The following PLXNC1 variants were observed in gnomAD, a reference collection of about 807,000 sequenced individuals.
PLXNC1 encodes plexin-C1.
PLXNC1 carries 75 observed loss-of-function variants against 178.2 expected under a neutral mutation model. That is an observed-to-expected ratio of 0.42 (90% CI 0.35 to 0.51). The LOEUF is 0.51. PLXNC1 is among the 20% of genes least tolerant of loss of function. The pLI is 0.02. For synonymous variants in PLXNC1, 790 were observed against 779.9 expected (o/e 1.01, Z -0.22); for missense variants, 1,503 against 1,984.4 (o/e 0.76, Z 4.61).
chr12:94,290,049 G>A (rs1016727891), intron 23 of PLXNC1, among the ~76,000 whole-genome samples: 5 of 152,210 alleles, frequency 3.3e-5, no homozygotes, highest in Admixed American at 6.5e-5. Context: ...AGGCCCATCC[G>A]AGGTATTTGT....
chr12:94,300,393 G>GTT (rs1394490156), intron 27 of PLXNC1, among the ~76,000 whole-genome samples: 2 of 152,182 alleles, frequency 1.3e-5, no homozygotes, highest in Non-Finnish European at 2.9e-5. Flanking sequence ...AAGAGCACAA[G>GTT]TTGTGAGGCA....
At chr12:94,293,407 G>A (rs747608178) in intron 23 of PLXNC1, among the ~76,000 whole-genome samples, 11 of 152,198 alleles carry the variant, frequency 7.2e-5, no homozygotes, top group Non-Finnish European at 1.6e-4. Flanking sequence ...TAATAGAGTA[G>A]TGTCATAGTC....
chr12:94,291,215 T>C (rs1214200400), intron 23 of PLXNC1, among the ~76,000 whole-genome samples: 1 of 152,262 alleles, frequency 6.6e-6, no homozygotes, highest in Non-Finnish European at 1.5e-5. Context: ...ATTTAAAATC[T>C]GTGGCAATTC....
intron 22 of PLXNC1, chr12:94,280,250 C>G (rs746669109): frequency 1.2e-5 from 2 of 163,078 alleles, no homozygotes; most frequent in Middle Eastern, 6.4e-3. Context: ...GGCCCCACTT[C>G]CCTCAAATGT....
At chr12:94,257,913 A>AAT (rs1452138223) in intron 17 of PLXNC1, among the ~76,000 whole-genome samples, 2 of 145,142 alleles carry the variant, frequency 1.4e-5, no homozygotes, top group Non-Finnish European at 3.0e-5. Flanking sequence ...TGTCTCAAAA[A>AAT]AAATAATAAA....
chr12:94,244,069 G>T, intron 12 of PLXNC1, 44 bp downstream of exon 12: 1 of 1,220,598 alleles, frequency 8.2e-7, no homozygotes, highest in South Asian at 1.3e-5. Context: ...TTTCAAGGAT[G>T]GTTCTATTTT....
At chr12:94,160,735 T>C (rs1193320466) in intron 1 of PLXNC1, among the ~76,000 whole-genome samples, 1 of 152,218 alleles carries the variant, frequency 6.6e-6, no homozygotes, top group Non-Finnish European at 1.5e-5. Flanking sequence ...TAATGCAGCC[T>C]GTAGACCCCC....
At chr12:94,288,982 G>A (rs1336720563) in intron 23 of PLXNC1, among the ~76,000 whole-genome samples, 1 of 152,004 alleles carries the variant, frequency 6.6e-6, no homozygotes, top group Non-Finnish European at 1.5e-5. Context: ...AAAATTTATA[G>A]CTACAATGCC....
intron 12 of PLXNC1, among the ~76,000 whole-genome samples, chr12:94,247,332 C>T (rs1964555857): frequency 6.6e-6 from 1 of 152,124 alleles, no homozygotes; most frequent in Non-Finnish European, 1.5e-5. Context: ...TTTGTTTTCT[C>T]CTGTTTTCTG....
Position 94,303,811 on chromosome 12 carries a change from A to T in PLXNC1, c.4442A>T (p.Glu1481Val). ...AAGGATATCCCAACCTACAAAGAAG[A>T]AGTAAAATCTTATTACAAAGCAATC... Reference protein sequence around the residue: ...YAKDIPTYKEEVKSYYKAIRD... With the variant: ...YAKDIPTYKEVVKSYYKAIRD... Residue 1481 changes from glutamate (E) to valine (V), a missense_variant, in exon 29 of 31, where the codon GAA becomes GTA. Transcript: ENST00000258526. 1 of 1,611,324 alleles carries T rather than the reference A, an allele frequency of 6.2e-7. No individual in the cohort carries two copies. The highest frequency in any genetic ancestry group is 8.5e-7 in the Non-Finnish European group (1 of 1,179,132).
At chr12:94,226,746 GGGCATGGT>G in intron 8 of PLXNC1, 39 bp downstream of exon 8, 1 of 1,408,972 alleles carries the variant, frequency 7.1e-7, no homozygotes, top group Non-Finnish European at 1.0e-6. Context: ...CTTAACCGCC[GGGCATGGT>G]GGCTCACGCC....
chr12:94,297,247 C>T, intron 25 of PLXNC1, 27 bp downstream of exon 25: 1 of 1,613,720 alleles, frequency 6.2e-7, no homozygotes, highest in Non-Finnish European at 8.5e-7. Context: ...TTGTGCTCAC[C>T]ACTGAACTGC....
At chr12:94,246,716 G>T (rs1433149703) in intron 12 of PLXNC1, among the ~76,000 whole-genome samples, 1 of 152,196 alleles carries the variant, frequency 6.6e-6, no homozygotes, top group East Asian at 1.9e-4. Context: ...TGCTGAGGCA[G>T]TAGAGACAGT....
At chr12:94,171,515 A>G (rs1565791501) in intron 2 of PLXNC1, among the ~76,000 whole-genome samples, 1 of 152,146 alleles carries the variant, frequency 6.6e-6, no homozygotes, top group Non-Finnish European at 1.5e-5. Flanking sequence ...AAATGGGATG[A>G]TTGTTGTTCA....
At chr12:94,264,283 C>T (rs189978559) in intron 20 of PLXNC1, among the ~76,000 whole-genome samples, 79 of 152,224 alleles carry the variant, frequency 5.2e-4, no homozygotes, top group Non-Finnish European at 1.0e-3. Flanking sequence ...GAATGTGAGC[C>T]ATTTCCATCA....
chr12:94,203,890 G>A (rs1415001520), intron 4 of PLXNC1, among the ~76,000 whole-genome samples: 1 of 152,236 alleles, frequency 6.6e-6, no homozygotes, highest in African/African-American at 2.4e-5. Context: ...TAGGTCATGA[G>A]GGCTCTGCCT....
chr12:94,181,336 C>A, intron 2 of PLXNC1, 110 bp from the exon 3 acceptor site: 1 of 692,532 alleles, frequency 1.4e-6, no homozygotes, highest in Non-Finnish European at 2.4e-6. Context: ...TGCAGTGAGC[C>A]AAGATCATGC....
intron 7 of PLXNC1, among the ~76,000 whole-genome samples, chr12:94,225,596 G>C (rs1963915155): frequency 6.6e-6 from 1 of 152,174 alleles, no homozygotes; most frequent in Non-Finnish European, 1.5e-5. Flanking sequence ...AAAGAACGTA[G>C]CTCCCCCGAT....
chr12:94,240,604 C>T lies in PLXNC1; in HGVS notation c.2240C>T (p.Ser747Phe). The change falls in exon 11 of 31, where the codon TCC becomes TTC. Residue 747 changes from serine to phenylalanine, a missense_variant. Ser to Phe is a radical substitution (Grantham distance 155). Coordinates refer to ENST00000258526, the MANE Select transcript of PLXNC1 (RefSeq NM_005761.3). ...GGTGGGAACTGCTCTTCTGTGGGAT[C>T]CTTATCCTACATTGCTCTGCCACAT... ...FDGGNCSSVG[S>F]LSYIALPHCS... is the part of the protein sequence containing the mutation. 1.2e-6 allele frequency: 2 copies of T among 1,613,242 alleles called. No individual in the cohort carries two copies. The highest frequency in any genetic ancestry group is 1.7e-6 in the Non-Finnish European group (2 of 1,179,158).
Sources: gnomAD v4.1 joint callset for allele counts (sites outside exome capture counted in the v4.1 genomes callset) on GRCh38, gnomAD v4.1.1 for gene constraint, MANE v1.5 for transcripts, NCBI Gene and HGNC (gene_info 2026-07-23, HGNC 2026-07-21) for gene names.